Variants in SLC10A1 observed in about 807,000 individuals in gnomAD.
SLC10A1 encodes the protein hepatic sodium/bile acid cotransporter.
SLC10A1 carries 36 observed loss-of-function variants against 20.5 expected under a neutral mutation model. The ratio of observed to expected loss-of-function variants is 1.75; its 90% CI spans 1.34 to 2.32. SLC10A1 has a LOEUF of 2.32. Among genes scored for constraint, SLC10A1 ranks in the 30% most tolerant of loss-of-function variants. SLC10A1 has a pLI of 0.00. For missense variants in SLC10A1, 545 were observed against 439.1 expected (o/e 1.24, Z -2.16); for synonymous variants, 188 against 163.6 (o/e 1.15, Z -1.14).
rs574283057 is a variant in SLC10A1 at position 69,786,347 on chromosome 14, C to T, written c.357-40G>A. On this transcript the variant is annotated intron_variant, in intron 1 of 4. Coordinates refer to ENST00000216540, the MANE Select transcript of SLC10A1 (RefSeq NM_003049.4). ...GGGAAGAGGGGAGAGAGAGAGAGCC[C>T]ATAAATACAGACTATTTTGTTGAGT... 8 of 1,528,432 alleles carry T rather than the reference C, an allele frequency of 5.2e-6. No individual in the cohort carries two copies. In the South Asian group the frequency reaches 9.0e-5, roughly 17 times the overall value. 94.7% of individuals were successfully genotyped at this position (1,528,432 alleles called of 1,614,324 possible). A position where few individuals can be genotyped will look rare whatever the true frequency, so the allele number is the denominator to read the frequency against.
Position 69,784,023 on chromosome 14 carries a change from T to G in SLC10A1, c.567+2074A>C, listed in dbSNP as rs185423029. 3.3e-4 allele frequency among the ~76,000 whole-genome samples: 50 copies of G among 152,300 alleles called. 2 individuals are homozygous for G. Among genetic ancestry groups the G allele is most frequent in the Non-Finnish European group, 4.9e-4 (33 of 68,022 alleles). On this transcript the variant is annotated intron_variant, in intron 2 of 4. Coordinates refer to ENST00000216540, the MANE Select transcript of SLC10A1 (RefSeq NM_003049.4). ...ATAGAAAGACCTGGTAGATAATAAA[T>G]GGATTCTGGAGTGAGGATAGAGTTG...
chr14:69,796,076 C>T (rs1882381203), intron 1 of SLC10A1, among the ~76,000 whole-genome samples: 1 of 152,226 alleles, frequency 6.6e-6, no homozygotes. Flanking sequence ...CAACCAGCCC[C>T]TGTGTGCTGC....
chr14:69,783,186 C>T (rs1355445297), intron 2 of SLC10A1, among the ~76,000 whole-genome samples: 3 of 152,178 alleles, frequency 2.0e-5, no homozygotes, highest in Non-Finnish European at 4.4e-5. Context: ...GGAAGAGCAG[C>T]AGACAGGACT....
In SLC10A1 at chr14:69,776,242, A is replaced by T. The variant is rs1216750437; in HGVS notation, c.*40T>A. 2 of 1,490,030 alleles carry T rather than the reference A, an allele frequency of 1.3e-6. No homozygotes were observed. Among genetic ancestry groups the T allele is most frequent in the Non-Finnish European group, 1.9e-6 (2 of 1,074,412 alleles). 92.3% of individuals were successfully genotyped at this position (1,490,030 alleles called of 1,614,324 possible). A position where few individuals can be genotyped will look rare whatever the true frequency, so the allele number is the denominator to read the frequency against. The stretch of plus-strand genomic sequence containing the variant: ...TCTAGTTTACCACACTGGCTTTCAG[A>T]ATTGCTTTGGGACCAGAATCCAGGC... On this transcript the variant is annotated 3_prime_UTR_variant, in exon 5 of 5. Transcript: ENST00000216540.
intron 2 of SLC10A1, among the ~76,000 whole-genome samples, chr14:69,784,946 T>G (rs1883677133): frequency 6.6e-6 from 1 of 152,028 alleles, no homozygotes; most frequent in Non-Finnish European, 1.5e-5. Context: ...ACAATGGTAG[T>G]GTGAAAATAA....
chr14:69,795,193 C>G (rs1399972670), intron 1 of SLC10A1, among the ~76,000 whole-genome samples: 3 of 152,160 alleles, frequency 2.0e-5, no homozygotes, highest in African/African-American at 7.2e-5. Context: ...GTGGATTAGA[C>G]AGAGGAAAGC....
chr14:69,783,078 A>T (rs558745864), intron 2 of SLC10A1, among the ~76,000 whole-genome samples: 17 of 152,288 alleles, frequency 1.1e-4, no homozygotes, highest in East Asian at 5.8e-4. Context: ...AGGATTTTTT[A>T]AAAAAGCAAT....
At position 69,786,097 on chromosome 14, in the gene SLC10A1, C is replaced by T. The variant is rs1883704844; in HGVS notation, c.567G>A (p.Lys189=). 7 of 1,613,748 alleles carry T rather than the reference C, an allele frequency of 4.3e-6. No homozygotes were observed. The African/African-American group carries it at 6.7e-5, about 15-fold the overall frequency. The change falls in exon 2 of 5, where the codon AAG becomes AAA. Residue 189 remains lysine (K), a splice_region_variant and synonymous_variant. Transcript: ENST00000216540. The part of the protein sequence containing the change: ...KRPQYMRYVI[K]GGMIIILLCS... ...TTTGTCAAGCCTCCCAGGTTCTTAC[C>T]TTGATGACATAGCGCATGTATTGTG... is the stretch of plus-strand genomic sequence containing the variant.
intron 1 of SLC10A1, among the ~76,000 whole-genome samples, chr14:69,794,211 T>G (rs76385306): frequency 0.099 from 15,015 of 152,264 alleles, 1,032 homozygotes; most frequent in Non-Finnish European, 0.15. Flanking sequence ...ATTGTTTGGT[T>G]TGCACATTTA....
chr14:69,794,387 GA>G (rs1882344246), intron 1 of SLC10A1, among the ~76,000 whole-genome samples: 1 of 152,148 alleles, frequency 6.6e-6, no homozygotes, highest in South Asian at 2.1e-4. Flanking sequence ...TGACCTGGAA[GA>G]TATTTCAGTA....
At chr14:69,791,961 T>C (rs1380001813) in intron 1 of SLC10A1, among the ~76,000 whole-genome samples, 1 of 152,030 alleles carries the variant, frequency 6.6e-6, no homozygotes, top group Non-Finnish European at 1.5e-5. Flanking sequence ...AAATTTTTTT[T>C]TTTTTTTTGA....
Position 69,778,522 on chromosome 14 carries a change from G to T in SLC10A1, c.754C>A (p.Arg252Ser), listed in dbSNP as rs141269120. The change falls in exon 4 of 5, where the codon CGC becomes AGC. Residue 252 changes from arginine to serine, a missense_variant. Arg to Ser is a moderately radical substitution (Grantham distance 110, BLOSUM62 -1). Coordinates refer to ENST00000216540, the MANE Select transcript of SLC10A1 (RefSeq NM_003049.4). ...CATCCAGTCTCCATGCTGACAGTGC[G>T]TCTGCACCTGTGCCGGTGAAGAAAA... ...ALFCLNGRCRRTVSMETGCQN... is the reference protein window; with the variant it reads ...ALFCLNGRCRSTVSMETGCQN... 76 of 1,599,942 alleles carry T rather than the reference G, an allele frequency of 4.8e-5. 1 individual carries two copies. The highest frequency in any genetic ancestry group is 7.9e-5 in the South Asian group (7 of 89,110).
chr14:69,796,613 G>A (rs978663053), intron 1 of SLC10A1, among the ~76,000 whole-genome samples, 187 bp downstream of exon 1: 4 of 152,162 alleles, frequency 2.6e-5, no homozygotes, highest in Admixed American at 6.5e-5. Flanking sequence ...TAAACCAGAC[G>A]TACCCCAACT....
At position 69,796,773 on chromosome 14, in the gene SLC10A1, C is replaced by A. The variant is rs778283161; in HGVS notation, c.356+27G>T. 1.1e-5 allele frequency: 17 copies of A among 1,564,556 alleles called. No individual in the cohort carries two copies. The Middle Eastern group carries it at 6.7e-4, about 62-fold the overall frequency. ...TATCTAATGTAGCTCCTGTCCCAGG[C>A]TGTTCCCTCCTCACCCCCAGGCCTA... On this transcript the variant is annotated intron_variant, in intron 1 of 4. Transcript: ENST00000216540.
chr14:69,781,975 G>A (rs919500923), intron 2 of SLC10A1, among the ~76,000 whole-genome samples: 5 of 152,202 alleles, frequency 3.3e-5, no homozygotes, highest in African/African-American at 4.8e-5. Context: ...GTGCGTAAGA[G>A]GCTAGGACAA....
At chr14:69,783,454 G>C (rs942040406) in intron 2 of SLC10A1, among the ~76,000 whole-genome samples, 1 of 152,138 alleles carries the variant, frequency 6.6e-6, no homozygotes, top group African/African-American at 2.4e-5. Context: ...TGGGGGAGGC[G>C]CTATTTGTGT....
At chr14:69,776,475 A>G in intron 4 of SLC10A1, 87 bp from the exon 5 acceptor site, 1 of 1,029,138 alleles carries the variant, frequency 9.7e-7, no homozygotes, top group Non-Finnish European at 1.5e-6. Context: ...GTACAAAAAT[A>G]CCAACTCAGC....
intron 1 of SLC10A1, among the ~76,000 whole-genome samples, chr14:69,795,443 T>C (rs1882370296): frequency 6.6e-6 from 1 of 150,572 alleles, no homozygotes; most frequent in Non-Finnish European, 1.5e-5. Context: ...TCTCACTCTG[T>C]TGCCCAGGCT....
At position 69,776,271 on chromosome 14, in the gene SLC10A1, C is replaced by T. The variant is rs202036783; in HGVS notation, c.*11G>A. 2.5e-6 allele frequency: 4 copies of T among 1,605,426 alleles called. No homozygotes were observed. The South Asian group carries it at 4.4e-5, about 18-fold the overall frequency. On this transcript the variant is annotated 3_prime_UTR_variant, in exon 5 of 5. Coordinates refer to ENST00000216540, the MANE Select transcript of SLC10A1 (RefSeq NM_003049.4). ...GCTTTGGGACCAGAATCCAGGCCAC[C>T]AGGGGAAGGGCTAGGCTGTGCAAGG...
Sources: gnomAD v4.1 joint callset for allele counts (sites outside exome capture counted in the v4.1 genomes callset) on GRCh38, gnomAD v4.1.1 for gene constraint, MANE v1.5 for transcripts, NCBI Gene and HGNC (gene_info 2026-07-23, HGNC 2026-07-21) for gene names.